Variants in TSC1 observed in about 807,000 individuals in gnomAD.
TSC1 encodes TSC complex subunit 1.
A neutral mutation model predicts 124.3 loss-of-function variants in TSC1; 20 were observed. The ratio of observed to expected loss-of-function variants is 0.16; its 90% confidence interval spans 0.11 to 0.23. The LOEUF is 0.23. TSC1 is among the 10% of genes least tolerant of loss of function. The pLI is 1.00. For missense variants in TSC1, 1,124 were observed against 1,448.5 expected, an observed-to-expected ratio of 0.78 and a Z score of 3.64; for synonymous variants, 493 against 539.1, an observed-to-expected ratio of 0.91 and a Z score of 1.19.
In TSC1 at chr9:132,910,589, T is replaced by C. The variant is rs2131939065; in HGVS notation, c.1245A>G (p.Thr415=). 7.4e-6 allele frequency: 12 copies of C among 1,614,060 alleles called. No individual in the cohort carries two copies. Among genetic ancestry groups the C allele is most frequent in the Non-Finnish European group, 1.0e-5 (12 of 1,180,028 alleles). ...DYVHISLPQA[T]VTPPRKEERM... ...ATCGCACCTTCCTGGGGGGTGTGAC[T>C]GTGGCCTGGGGGAGTGAAATGTGCA... Residue 415 remains threonine (T), a synonymous_variant, in exon 12 of 23, where the codon ACA becomes ACG. Coordinates refer to ENST00000298552, the MANE Select transcript of TSC1 (RefSeq NM_000368.5).
rs746269100 is a variant in TSC1 at position 132,921,986 on chromosome 9, C to T, written c.509-13G>A. The T allele has an allele frequency of 1.5e-5, 25 of 1,613,988 alleles. No individual in the cohort carries two copies. The South Asian group carries it at 2.5e-4, about 16-fold the overall frequency. On this transcript the variant is annotated splice_polypyrimidine_tract_variant and intron_variant, in intron 6 of 22. Coordinates refer to ENST00000298552, the MANE Select transcript of TSC1 (RefSeq NM_000368.5). This position sits in a 1 kb window ranked among gnomAD's most constrained non-coding sequence, Gnocchi z 4.3. Reference sequence around the variant, plus strand: ...TCCGCCACGTGGCCTAGAAAAGGAACCCGTTGAGAAGAGCCTCTTAGTTGG... The same window carrying T: ...TCCGCCACGTGGCCTAGAAAAGGAATCCGTTGAGAAGAGCCTCTTAGTTGG...
intron 2 of TSC1, among the ~76,000 whole-genome samples, chr9:132,930,460 T>G (rs957629711): frequency 3.3e-5 from 5 of 151,794 alleles, no homozygotes; most frequent in Non-Finnish European, 7.4e-5. Context: ...TGGTGGCGTG[T>G]GCCTGTAGTC....
chr9:132,941,368 G>A (rs1417224244), intron 1 of TSC1: 2 of 152,116 alleles, frequency 1.3e-5, no homozygotes, highest in Non-Finnish European at 2.9e-5. Context: ...AGCAACTACA[G>A]TCTTAAAAAG....
chr9:132,901,619 A>C lies in TSC1; in HGVS notation c.2472T>G (p.Thr824=), dbSNP rs762811821. ...GGGAAACCTGACTGAGCAGCAGCTCAGTGTGACACACCTTGTTGTTGGCCT... is the reference window on the plus strand; with the variant it reads ...GGGAAACCTGACTGAGCAGCAGCTCCGTGTGACACACCTTGTTGTTGGCCT... The part of the protein sequence containing the change: ...LKKANNKVCH[T]ELLLSQVSQK... Residue 824 remains threonine (T), a synonymous_variant, in exon 19 of 23, where the codon ACT becomes ACG. Transcript: ENST00000298552. 6.2e-7 allele frequency: 1 copy of C among 1,614,170 alleles called. No homozygotes were observed. The highest frequency in any genetic ancestry group is 1.7e-5 in the Admixed American group (1 of 60,030).
chr9:132,939,474 C>T (rs552672609), intron 1 of TSC1, among the ~76,000 whole-genome samples: 6 of 152,314 alleles, frequency 3.9e-5, no homozygotes, highest in African/African-American at 1.4e-4. Flanking sequence ...CATCAGGGGC[C>T]TTGATGGATG....
Position 132,893,671 on chromosome 9 carries a change from C to G in TSC1, c.*2564G>C. On this transcript the variant is annotated 3_prime_UTR_variant, in exon 23 of 23. Coordinates refer to ENST00000298552, the MANE Select transcript of TSC1 (RefSeq NM_000368.5). The stretch of plus-strand genomic sequence containing the variant: ...ATGCACATTGGCCAAACAGCTGAGA[C>G]AGGTATGCTCACCCATAGTGATTTC... 1 of 233,222 alleles carries G rather than the reference C, an allele frequency of 4.3e-6. No homozygotes were observed. Among genetic ancestry groups the G allele is most frequent in the East Asian group, 6.0e-5 (1 of 16,586 alleles). The allele number at this position is 233,222 out of a possible 1,614,324, so 14.4% of individuals were successfully genotyped here.
In TSC1 at chr9:132,941,115, A is replaced by C. The variant is rs1399369454; in HGVS notation, c.-144+3428T>G. Reference sequence around the variant, plus strand: ...TGTAGGGCAGTAACTACTATGCTTTATTTTGGACTAAAGCATGGTTTTTAA... The same window carrying C: ...TGTAGGGCAGTAACTACTATGCTTTCTTTTGGACTAAAGCATGGTTTTTAA... On this transcript the variant is annotated intron_variant, in intron 1 of 22. Coordinates refer to ENST00000298552, the MANE Select transcript of TSC1 (RefSeq NM_000368.5). The C allele has an allele frequency of 4.6e-5, 7 of 152,314 alleles. No individual in the cohort carries two copies. In the East Asian group the frequency reaches 1.2e-3, roughly 25 times the overall value. 9.4% of individuals were successfully genotyped at this position (152,314 alleles called of 1,614,324 possible).
chr9:132,927,405 T>C (rs1846936428), intron 3 of TSC1, 101 bp from the exon 4 acceptor site: 4 of 1,072,020 alleles, frequency 3.7e-6, no homozygotes, highest in South Asian at 1.4e-5. Flanking sequence ...TGTTTCTTTA[T>C]ATGCTATTCT....
intron 1 of TSC1, among the ~76,000 whole-genome samples, chr9:132,936,085 A>G (rs1446443547): frequency 6.6e-6 from 1 of 152,150 alleles, no homozygotes; most frequent in Non-Finnish European, 1.5e-5. Context: ...TTCTTGATTG[A>G]ATGACTAGAA....
intron 2 of TSC1, among the ~76,000 whole-genome samples, chr9:132,933,501 T>C (rs886595321): frequency 2.0e-5 from 3 of 152,192 alleles, no homozygotes; most frequent in Non-Finnish European, 4.4e-5. Context: ...TTTTTAGTAA[T>C]TGAAGAGTAA....
At chr9:132,932,433 CCCCTCACTACT>C (rs1226849078) in intron 2 of TSC1, among the ~76,000 whole-genome samples, 12 of 152,198 alleles carry the variant, frequency 7.9e-5, no homozygotes, top group Admixed American at 3.3e-4. Context: ...AGCAGCAGCC[CCCCTCACTACT>C]CTCCTTGCTT....
chr9:132,898,768 C>T (rs1375173225), intron 20 of TSC1, among the ~76,000 whole-genome samples: 1 of 152,234 alleles, frequency 6.6e-6, no homozygotes, highest in East Asian at 1.9e-4. Context: ...ACTCACTCTT[C>T]CTCCTCCTTT....
At chr9:132,914,386 C>T (rs1048413755) in intron 8 of TSC1, among the ~76,000 whole-genome samples, 2 of 152,036 alleles carry the variant, frequency 1.3e-5, no homozygotes, top group South Asian at 2.1e-4. Flanking sequence ...TATTATTACA[C>T]CCCCTGAAAA....
intron 18 of TSC1, 88 bp from the exon 19 acceptor site, chr9:132,901,787 GGAA>G: frequency 7.5e-6 from 9 of 1,192,504 alleles, no homozygotes; most frequent in African/African-American, 1.5e-5. Context: ...CAGAGGACTG[GGAA>G]TGCCTTAGCT....
intron 20 of TSC1, among the ~76,000 whole-genome samples, chr9:132,897,936 C>T (rs959236664): frequency 2.6e-5 from 4 of 152,182 alleles, no homozygotes; most frequent in Admixed American, 6.5e-5. Flanking sequence ...AATTAAAATA[C>T]ATCCTATATT....
chr9:132,915,772 G>T (rs1846244702), intron 8 of TSC1, among the ~76,000 whole-genome samples: 1 of 152,184 alleles, frequency 6.6e-6, no homozygotes, highest in Non-Finnish European at 1.5e-5. Context: ...TGAAAACACG[G>T]TATTAAATAC....
At chr9:132,912,965 G>C (rs1482021078) in intron 8 of TSC1, 4 of 168,092 alleles carry the variant, frequency 2.4e-5, no homozygotes, top group Admixed American at 1.8e-4. Context: ...CTTGAGATGG[G>C]GTCTCACTCT....
intron 4 of TSC1, chr9:132,925,982 T>C (rs138758561): frequency 1.1e-4 from 56 of 529,852 alleles, no homozygotes; most frequent in African/African-American, 9.7e-4. Context: ...AATACACGCA[T>C]GCAGAAAGGG....
rs1271854147 is a variant in TSC1, at chr9:132,907,443, G to A, written c.1264-73C>T. On this transcript the variant is annotated intron_variant, in intron 12 of 22. Coordinates refer to ENST00000298552, the MANE Select transcript of TSC1 (RefSeq NM_000368.5). ...ATGTTCTCGAGCATATTGTAAAGTAGTTTAAAGGTCAGCCGAGTGCAGTGA... is the reference window on the plus strand; with the variant it reads ...ATGTTCTCGAGCATATTGTAAAGTAATTTAAAGGTCAGCCGAGTGCAGTGA... 3 of 1,228,734 alleles carry A rather than the reference G, an allele frequency of 2.4e-6. No individual in the cohort carries two copies. The East Asian group carries it at 7.0e-5, about 29-fold the overall frequency. 76.1% of individuals were successfully genotyped at this position (1,228,734 alleles called of 1,614,324 possible).
Sources: gnomAD v4.1 joint callset for allele counts (sites outside exome capture counted in the v4.1 genomes callset) on GRCh38, gnomAD v4.1.1 for gene constraint, Gnocchi (gnomAD v3.1) non-coding constraint, MANE v1.5 for transcripts, NCBI Gene and HGNC (gene_info 2026-07-23, HGNC 2026-07-21) for gene names.